The following ATP13A3 variants were observed in gnomAD, a reference collection of about 807,000 sequenced individuals.
ATP13A3 encodes ATPase 13A3.
In ATP13A3, 59 loss-of-function variants were observed where a neutral mutation model predicts 158.1. That is an observed-to-expected ratio of 0.37 (90% CI 0.30 to 0.46). ATP13A3 has a LOEUF of 0.46. Among genes scored for constraint, ATP13A3 ranks in the 20% least tolerant of loss-of-function variants. The pLI, the probability that ATP13A3 is intolerant of heterozygous loss-of-function variation, is 1.00. For missense variants in ATP13A3, 1,166 were observed against 1,525.2 expected (o/e 0.76, Z 3.92); for synonymous variants, 491 against 504.3 (o/e 0.97, Z 0.35).
chr3:194,447,260 C>A, intron 13 of ATP13A3, 145 bp from the exon 14 acceptor site: 1 of 642,214 alleles, frequency 1.6e-6, no homozygotes, highest in Admixed American at 3.7e-5. Context: ...ATCTATTAAC[C>A]ATATATAATT....
chr3:194,435,878 G>A (rs1717596636), intron 20 of ATP13A3, among the ~76,000 whole-genome samples: 1 of 150,796 alleles, frequency 6.6e-6, no homozygotes, highest in Non-Finnish European at 1.5e-5. Context: ...CTGCACTCCA[G>A]CCTGGGCAAC....
chr3:194,484,212 C>T (rs556636473), intron 2 of ATP13A3, among the ~76,000 whole-genome samples: 6 of 152,110 alleles, frequency 3.9e-5, no homozygotes, highest in South Asian at 4.2e-4. Flanking sequence ...TCTTCAAAGT[C>T]GCTTATACTG....
At chr3:194,415,608 T>A (rs1160269320) in intron 31 of ATP13A3, among the ~76,000 whole-genome samples, 1 of 150,912 alleles carries the variant, frequency 6.6e-6, no homozygotes, top group Non-Finnish European at 1.5e-5. Flanking sequence ...ATTTAGCCTA[T>A]AAATATATAT....
intron 4 of ATP13A3, 142 bp from the exon 5 acceptor site, chr3:194,460,113 C>T: frequency 1.5e-6 from 1 of 671,064 alleles, no homozygotes; most frequent in South Asian, 2.6e-5. Context: ...AAATATTAAA[C>T]CATTTCATGA....
intron 31 of ATP13A3, among the ~76,000 whole-genome samples, chr3:194,414,634 T>A (rs1225419050): frequency 6.6e-6 from 1 of 152,110 alleles, no homozygotes; most frequent in Admixed American, 6.5e-5. Flanking sequence ...ACAGAAAGGT[T>A]TATAATAAGA....
chr3:194,412,452 G>C, intron 32 of ATP13A3, 164 bp from the exon 33 acceptor site: 1 of 575,894 alleles, frequency 1.7e-6, no homozygotes, highest in Non-Finnish European at 3.1e-6. Context: ...AAGAATGATA[G>C]GACTTTTGTA....
chr3:194,453,837 A>AT, intron 9 of ATP13A3, 59 bp from the exon 10 acceptor site: 1 of 1,304,586 alleles, frequency 7.7e-7, no homozygotes, highest in South Asian at 1.3e-5. Flanking sequence ...TCAGGAAAAA[A>AT]GCCAGAGTGC....
upstream of ATP13A3, among the ~76,000 whole-genome samples, chr3:194,489,593 A>C (rs116564553): frequency 7.1e-3 from 1,082 of 152,318 alleles, 2 homozygotes; most frequent in Middle Eastern, 0.031. This position sits in a 1 kb window ranked among gnomAD's most constrained non-coding sequence, Gnocchi z 4.1. Flanking sequence ...GTATACCTCC[A>C]AGCTACCCAG....
At chr3:194,485,919 A>G (rs1408222838) in intron 1 of ATP13A3, 84 bp from the exon 2 acceptor site, 1 of 151,794 alleles carries the variant, frequency 6.6e-6, no homozygotes, top group Non-Finnish European at 1.5e-5. Flanking sequence ...GCCAATCCCA[A>G]CCCGATTCCC....
Position 194,454,823 on chromosome 3 carries a change from C to CA in ATP13A3, c.631-432dup, listed in dbSNP as rs397875989. 8.6e-3 allele frequency among the ~76,000 whole-genome samples: 534 copies of CA among 61,816 alleles called. 3 individuals are homozygous for CA. Among genetic ancestry groups the CA allele is most frequent in the East Asian group, 0.033 (70 of 2,126 alleles). 40.6% of individuals were successfully genotyped at this position (61,816 alleles called of 152,430 possible). On this transcript the variant is annotated intron_variant, in intron 8 of 33. Coordinates refer to ENST00000645319, the MANE Select transcript of ATP13A3 (RefSeq NM_001367549.1). ...TGGGAGACAGAGCGAGACTCCGTCTCAAAAAAAAAAAAAAAAGGTAGGGCA... is the reference window on the plus strand; with the variant it reads ...TGGGAGACAGAGCGAGACTCCGTCTCAAAAAAAAAAAAAAAAAGGTAGGGCA...
chr3:194,415,692 C>T (rs1249523012), intron 31 of ATP13A3, among the ~76,000 whole-genome samples: 12 of 96,048 alleles, frequency 1.2e-4, no homozygotes, highest in South Asian at 3.7e-4. Flanking sequence ...TTTTTTGAGA[C>T]GGAGTCTCGC....
chr3:194,419,431 A>G (rs933943395), intron 31 of ATP13A3, among the ~76,000 whole-genome samples: 1 of 151,956 alleles, frequency 6.6e-6, no homozygotes, highest in Non-Finnish European at 1.5e-5. Context: ...TCTCTTTACT[A>G]TTTTTTAATT....
chr3:194,457,294 C>A, intron 6 of ATP13A3, 120 bp from the exon 7 acceptor site: 2 of 651,710 alleles, frequency 3.1e-6, no homozygotes, highest in Non-Finnish European at 2.6e-6. Context: ...TCCTTAGAAA[C>A]CCTTAACAAA....
chr3:194,455,056 A>T (rs1442552120), intron 8 of ATP13A3, among the ~76,000 whole-genome samples: 1 of 152,232 alleles, frequency 6.6e-6, no homozygotes, highest in African/African-American at 2.4e-5. Flanking sequence ...GGCTAATAGA[A>T]TACAAAACTT....
intron 21 of ATP13A3, 101 bp from the exon 22 acceptor site, chr3:194,431,993 C>T: frequency 1.0e-6 from 1 of 955,712 alleles, no homozygotes; most frequent in Non-Finnish European, 1.4e-6. Flanking sequence ...CATGACTGGG[C>T]TGGCAGAGTA....
chr3:194,410,179 G>A (rs1715256970), intron 33 of ATP13A3, among the ~76,000 whole-genome samples: 1 of 150,844 alleles, frequency 6.6e-6, no homozygotes, highest in Non-Finnish European at 1.5e-5. Context: ...AGAAGGGCAG[G>A]CCAAGCGTGG....
intron 10 of ATP13A3, chr3:194,450,646 G>A (rs924720556): frequency 2.2e-5 from 4 of 178,976 alleles, no homozygotes; most frequent in Admixed American, 1.6e-4. Flanking sequence ...AACAAACTCC[G>A]ATTTCTATAA....
chr3:194,420,262 C>A, intron 30 of ATP13A3: 1 of 175,172 alleles, frequency 5.7e-6, no homozygotes, highest in Non-Finnish European at 1.2e-5. Context: ...CCTTCACAGA[C>A]ATTTGTATGT....
chr3:194,459,643 T>A, intron 5 of ATP13A3, 102 bp from the exon 6 acceptor site: 5 of 1,081,544 alleles, frequency 4.6e-6, no homozygotes, highest in Non-Finnish European at 6.6e-6. Flanking sequence ...ATATATAGCA[T>A]TATATATAGT....
Sources: gnomAD v4.1 joint callset for allele counts (sites outside exome capture counted in the v4.1 genomes callset) on GRCh38, gnomAD v4.1.1 for gene constraint, Gnocchi (gnomAD v3.1) non-coding constraint, MANE v1.5 for transcripts, NCBI Gene and HGNC (gene_info 2026-07-23, HGNC 2026-07-21) for gene names.